COL11A1: variants seen among roughly 807,000 people sequenced by gnomAD.
COL11A1 encodes collagen type XI alpha 1 chain.
Under a neutral mutation model 265.2 loss-of-function variants are expected in COL11A1, and 74 were observed. That is an observed-to-expected ratio of 0.28 (90% confidence interval 0.23 to 0.34). COL11A1 has a LOEUF of 0.34. Ranked by LOEUF, COL11A1 falls within the 10% of genes least tolerant of loss-of-function variation. The pLI is 1.00. For missense variants in COL11A1, 2,165 were observed against 2,263.6 expected, an observed-to-expected ratio of 0.96 and a Z score of 0.88; for synonymous variants, 816 against 727.6, an observed-to-expected ratio of 1.12 and a Z score of -1.96.
At chr1:102,994,751 T>C (rs1297907229) in intron 28 of COL11A1, among the ~76,000 whole-genome samples, 1 of 152,106 alleles carries the variant, frequency 6.6e-6, no homozygotes, top group Non-Finnish European at 1.5e-5. Context: ...TAAGAATTAA[T>C]TCAATACTGA....
chr1:103,097,294 C>T (rs929186551), intron 1 of COL11A1, among the ~76,000 whole-genome samples: 6 of 151,916 alleles, frequency 3.9e-5, no homozygotes, highest in Admixed American at 2.0e-4. Flanking sequence ...CACCATCTCA[C>T]GTTTTATCCC....
At chr1:102,897,172 T>A (rs1398143934) in intron 57 of COL11A1, among the ~76,000 whole-genome samples, 1 of 152,062 alleles carries the variant, frequency 6.6e-6, no homozygotes, top group Non-Finnish European at 1.5e-5. Flanking sequence ...TGCTGTGGCA[T>A]CTTTGTTAAA....
chr1:103,006,368 C>T, intron 15 of COL11A1, 53 bp from the exon 16 acceptor site: 2 of 1,387,590 alleles, frequency 1.4e-6, no homozygotes, highest in Non-Finnish European at 1.0e-6. Context: ...GATCAATAAA[C>T]TCAATAGCAT....
At chr1:102,944,369 G>C (rs555581327) in intron 42 of COL11A1, among the ~76,000 whole-genome samples, 12 of 152,184 alleles carry the variant, frequency 7.9e-5, no homozygotes, top group Admixed American at 2.0e-4. Context: ...TAAGCAGACA[G>C]CTCCTTCAAA....
At chr1:102,961,804 A>G in intron 41 of COL11A1, 62 bp downstream of exon 41, 1 of 1,435,714 alleles carries the variant, frequency 7.0e-7, no homozygotes, top group East Asian at 2.3e-5. Flanking sequence ...CATGAGAGTA[A>G]TGAAAGAAGA....
intron 1 of COL11A1, among the ~76,000 whole-genome samples, chr1:103,101,052 T>C (rs1674224417): frequency 6.6e-6 from 1 of 151,902 alleles, no homozygotes; most frequent in African/African-American, 2.4e-5. Context: ...TTTCGAAGTA[T>C]AAAGTAGGAG....
rs146327913 is a variant in COL11A1, at chr1:102,880,509, G to C, written c.5041-593C>G. ...TTCAACATTGTATTGCCAGCAGCAG[G>C]CATAATGTGCAAGACAAGGCAAGTT... On this transcript the variant is annotated intron_variant, in intron 65 of 66. Coordinates refer to ENST00000370096, the MANE Select transcript of COL11A1 (RefSeq NM_001854.4). Among the ~76,000 whole-genome samples the C allele has an allele frequency of 2.8e-3, 422 of 152,188 alleles. 1 individual carries two copies. Among genetic ancestry groups the C allele is most frequent in the Middle Eastern group, 0.027 (8 of 294 alleles).
rs773576410 is a variant in COL11A1 at position 103,026,173 on chromosome 1, G to C, written c.897+43C>G. On this transcript the variant is annotated intron_variant, in intron 6 of 66. Coordinates refer to ENST00000370096, the MANE Select transcript of COL11A1 (RefSeq NM_001854.4). ...TCAACATAAGGAACCACAGGATGAC[G>C]AACAGCAGGACACCACATACACAGG... The C allele has an allele frequency of 1.0e-5, 14 of 1,392,266 alleles. No individual in the cohort carries two copies. In the South Asian group the frequency reaches 1.3e-4, roughly 13 times the overall value. 86.2% of individuals were successfully genotyped at this position (1,392,266 alleles called of 1,614,324 possible). A position where few individuals can be genotyped will look rare whatever the true frequency, so the allele number is the denominator to read the frequency against.
intron 18 of COL11A1, 56 bp downstream of exon 18, chr1:103,005,782 C>G: frequency 6.3e-7 from 1 of 1,593,078 alleles, no homozygotes; most frequent in East Asian, 2.2e-5. Flanking sequence ...AAATTGTTAT[C>G]AATTCTAAAA....
intron 1 of COL11A1, among the ~76,000 whole-genome samples, chr1:103,086,851 T>G (rs188513968): frequency 2.8e-4 from 43 of 151,984 alleles, no homozygotes; most frequent in African/African-American, 1.0e-3. Flanking sequence ...TACAAAAAAG[T>G]AAAACTCCAT....
intron 4 of COL11A1, among the ~76,000 whole-genome samples, chr1:103,072,161 T>G (rs1671643224): frequency 6.6e-6 from 1 of 151,950 alleles, no homozygotes; most frequent in South Asian, 2.1e-4. Flanking sequence ...ATGAGCATAA[T>G]ATGTAAACTA....
rs774579078 is a variant in COL11A1 at position 103,015,653 on chromosome 1, T to C, written c.1488+15A>G. 9 of 1,583,296 alleles carry C rather than the reference T, an allele frequency of 5.7e-6. No individual in the cohort carries two copies. The highest frequency in any genetic ancestry group is 4.5e-5 in the South Asian group (4 of 88,668). On this transcript the variant is annotated intron_variant, in intron 12 of 66. Transcript: ENST00000370096. ...AAGATATCAAGTCATCTCTATAACATAAAAAAGAACATACCGGTAACATCA... is the reference window on the plus strand; with the variant it reads ...AAGATATCAAGTCATCTCTATAACACAAAAAAGAACATACCGGTAACATCA...
chr1:102,913,501 AT>A (rs1220356064), intron 53 of COL11A1, 135 bp downstream of exon 53: 4 of 765,984 alleles, frequency 5.2e-6, no homozygotes, highest in African/African-American at 3.5e-5. Context: ...GAATTCAAAA[AT>A]TTTTTTGATA....
chr1:103,045,939 C>T (rs1669224007), intron 4 of COL11A1, among the ~76,000 whole-genome samples: 1 of 151,884 alleles, frequency 6.6e-6, no homozygotes, highest in Non-Finnish European at 1.5e-5. Flanking sequence ...CTACAAAGGA[C>T]ATGAACTCAT....
At chr1:102,946,541 C>T (rs917616384) in intron 42 of COL11A1, among the ~76,000 whole-genome samples, 6 of 151,310 alleles carry the variant, frequency 4.0e-5, no homozygotes, top group Non-Finnish European at 7.4e-5. Context: ...TGTAAAGCAG[C>T]AAGGTATAGC....
rs372298244 is a variant in COL11A1 at position 102,994,391 on chromosome 1, G to T, written c.2340+1473C>A. Among the ~76,000 whole-genome samples, 4 of 151,952 alleles carry T rather than the reference G, an allele frequency of 2.6e-5. No homozygotes were observed. In the East Asian group the frequency reaches 5.8e-4, roughly 22 times the overall value. The stretch of plus-strand genomic sequence containing the variant: ...TAGTGAGTGCCTTCTCAGGAGATTT[G>T]ATTGTTTAAAAGCATGTGGCACCTT... On this transcript the variant is annotated intron_variant, in intron 28 of 66. Transcript: ENST00000370096.
In COL11A1 at chr1:102,976,289, C is replaced by CTTTTTTTTTTTTTTTTTTTTTTTTTTT. The variant is rs149842131; in HGVS notation, c.2755-1433_2755-1407dup. ...TATAAAATTTCACAGAAAACGTTGG[C>CTTTTTTTTTTTTTTTTTTTTTTTTTTT]TTTTTTTTTTTTTTTTTTTTTTTTT... On this transcript the variant is annotated intron_variant, in intron 35 of 66. Coordinates refer to ENST00000370096, the MANE Select transcript of COL11A1 (RefSeq NM_001854.4). 9.4e-4 allele frequency among the ~76,000 whole-genome samples: 55 copies of CTTTTTTTTTTTTTTTTTTTTTTTTTTT among 58,602 alleles called. 19 individuals are homozygous for CTTTTTTTTTTTTTTTTTTTTTTTTTTT. The highest frequency in any genetic ancestry group is 2.0e-3 in the South Asian group (2 of 986). The allele number at this position is 58,602 out of a possible 152,430, so 38.4% of individuals were successfully genotyped here.
chr1:103,022,941 T>A lies in COL11A1; in HGVS notation c.1046A>T (p.Asp349Val). Reference sequence around the variant, plus strand: ...ATCCTCAGAATTTTTCCTCTGGGAATCATAATCCTCTCCCGTTAGATATTC... The same window carrying A: ...ATCCTCAGAATTTTTCCTCTGGGAAACATAATCCTCTCCCGTTAGATATTC... The part of the protein sequence containing the change: ...TEEYLTGEDY[D>V]SQRKNSEDTL... The change falls in exon 8 of 67, where the codon GAT becomes GTT. Residue 349 changes from aspartate to valine, a missense_variant. By Grantham distance (152) the Asp-to-Val change is radical. Coordinates refer to ENST00000370096, the MANE Select transcript of COL11A1 (RefSeq NM_001854.4). 6.2e-7 allele frequency: 1 copy of A among 1,613,512 alleles called. No homozygotes were observed. The highest frequency in any genetic ancestry group is 8.5e-7 in the Non-Finnish European group (1 of 1,179,680).
Position 102,978,906 on chromosome 1 carries a change from C to G in COL11A1, c.2663G>C (p.Arg888Pro), listed in dbSNP as rs779814887. The change falls in exon 34 of 67, where the codon CGA (arginine) becomes CCA (proline). Residue 888 changes from arginine to proline, a missense_variant. Coordinates refer to ENST00000370096, the MANE Select transcript of COL11A1 (RefSeq NM_001854.4). ...GGGACCTCTTGCACCTCTTGAACCT[C>G]GAGGACCCTGCAGATGAGAACAAAA... is the stretch of plus-strand genomic sequence containing the variant. Reference protein sequence around the residue: ...PRGQRGPTGPRGSRGARGPTG... With the variant: ...PRGQRGPTGPPGSRGARGPTG... 1.2e-6 allele frequency: 2 copies of G among 1,614,020 alleles called. No individual in the cohort carries two copies. The highest frequency in any genetic ancestry group is 2.7e-5 in the African/African-American group (2 of 74,920).
Sources: gnomAD v4.1 joint callset for allele counts (sites outside exome capture counted in the v4.1 genomes callset) on GRCh38, gnomAD v4.1.1 for gene constraint, MANE v1.5 for transcripts, NCBI Gene and HGNC (gene_info 2026-07-23, HGNC 2026-07-21) for gene names.